The following SPEM1 variants were observed in gnomAD, a reference collection of about 807,000 sequenced individuals.
The protein encoded by SPEM1 is spermatid maturation 1.
SPEM1 carries 10 observed loss-of-function variants against 9.0 expected under a neutral mutation model. The observed-to-expected ratio is 1.11, with a 90% CI of 0.68 to 1.88. The LOEUF (loss-of-function observed/expected upper bound fraction) is 1.88. Among genes scored for constraint, SPEM1 ranks in the 40% most tolerant of loss-of-function variants. The pLI is 0.00. For synonymous variants in SPEM1, 175 were observed against 157.8 expected (o/e 1.11, Z -0.82); for missense variants, 401 against 408.6 (o/e 0.98, Z 0.16).
chr17:7,421,088 A>G lies in SPEM1; in HGVS notation c.413A>G (p.His138Arg), dbSNP rs373057448. 5.8e-5 allele frequency: 93 copies of G among 1,614,026 alleles called. No individual in the cohort carries two copies. Among genetic ancestry groups the G allele is most frequent in the Admixed American group, 5.0e-4 (30 of 60,000 alleles). The change falls in exon 3 of 3, where the codon CAT becomes CGT. Residue 138 changes from histidine (H) to arginine (R), a missense_variant. Transcript: ENST00000323675. This position sits in a 1 kb window ranked among gnomAD's most constrained non-coding sequence, Gnocchi z 4.8. ...WAPDTDDEKP[H>R]QYPAICSYHW... is the part of the protein sequence containing the mutation. ...CCTGACACTGATGACGAGAAGCCTC[A>G]TCAGTACCCAGCCATCTGCTCCTAC...
In SPEM1 at chr17:7,421,018, C is replaced by A; in HGVS notation, c.343C>A (p.Arg115=). The part of the protein sequence containing the change: ...SPPPAHRHRR[R]GSPTRCAHCP... ...GCCCCCAGCTCACCGCCATCGCCGT[C>A]GAGGCTCTCCCACACGCTGTGCTCA... Residue 115 remains arginine (R), a synonymous_variant, in exon 3 of 3, where the codon CGA becomes AGA. Coordinates refer to ENST00000323675, the MANE Select transcript of SPEM1 (RefSeq NM_199339.3). The surrounding 1 kb of genome is among the most constrained non-coding windows in gnomAD (Gnocchi z 4.8). 1.2e-6 allele frequency: 2 copies of A among 1,614,124 alleles called. No individual in the cohort carries two copies. The highest frequency in any genetic ancestry group is 1.7e-6 in the Non-Finnish European group (2 of 1,180,010).
In SPEM1 at chr17:7,420,499, A is replaced by G. The variant is rs1445939747; in HGVS notation, c.115A>G (p.Ile39Val). ...VLLLLGLIIC[I>V]NISINIVTLL... ...GTTGCTGCTGGGCCTCATCATCTGC[A>G]TTAACATTAGCATCAATATAGTGAC... Residue 39 changes from isoleucine (I) to valine (V), a missense_variant, in exon 1 of 3, where the codon ATT becomes GTT. Coordinates refer to ENST00000323675, the MANE Select transcript of SPEM1 (RefSeq NM_199339.3). 3.7e-6 allele frequency: 6 copies of G among 1,612,740 alleles called. No individual in the cohort carries two copies. The highest frequency in any genetic ancestry group is 5.1e-6 in the Non-Finnish European group (6 of 1,179,296).
chr17:7,421,323 T>G lies in SPEM1; in HGVS notation c.648T>G (p.Ala216=), dbSNP rs1308920322. ...ACCCCCCACCTCCCAGCCCTGAGGC[T>G]CCTAGCCACAAGAACGGTGGGGAGG... ...PVNPPPPSPE[A]PSHKNGGEGA... Residue 216 remains alanine (A), a synonymous_variant, in exon 3 of 3, where the codon GCT becomes GCG. Coordinates refer to ENST00000323675, the MANE Select transcript of SPEM1 (RefSeq NM_199339.3). This position sits in a 1 kb window ranked among gnomAD's most constrained non-coding sequence, Gnocchi z 4.8. The G allele has an allele frequency of 1.2e-6, 2 of 1,613,924 alleles. No homozygotes were observed. Among genetic ancestry groups the G allele is most frequent in the East Asian group, 4.5e-5 (2 of 44,874 alleles).
chr17:7,421,172 C>A lies in SPEM1; in HGVS notation c.497C>A (p.Pro166His). Residue 166 changes from proline to histidine, a missense_variant, in exon 3 of 3, where the codon CCC becomes CAC. Transcript: ENST00000323675. The surrounding 1 kb of genome is among the most constrained non-coding windows in gnomAD (Gnocchi z 4.8). The part of the protein sequence containing the change: ...GFQHTQGTWV[P>H]WSQDAPESPP... ...CAACACACTCAGGGGACCTGGGTTC[C>A]CTGGTCTCAGGATGCCCCAGAGTCC... 1 of 1,613,884 alleles carries A rather than the reference C, an allele frequency of 6.2e-7. No individual in the cohort carries two copies. The highest frequency in any genetic ancestry group is 8.5e-7 in the Non-Finnish European group (1 of 1,179,896).
chr17:7,420,534 G>C lies in SPEM1; in HGVS notation c.144+6G>C, dbSNP rs776630787. On this transcript the variant is annotated splice_donor_region_variant and intron_variant, in intron 1 of 2. Coordinates refer to ENST00000323675, the MANE Select transcript of SPEM1 (RefSeq NM_199339.3). ...GCATCAATATAGTGACCCTGGTCAG[G>C]GTGGGGCCAGATGGGAGGGAGCTGG... 1 of 1,613,472 alleles carries C rather than the reference G, an allele frequency of 6.2e-7. No homozygotes were observed. The highest frequency in any genetic ancestry group is 1.1e-5 in the South Asian group (1 of 91,064).
At position 7,421,304 on chromosome 17, in the gene SPEM1, C is replaced by G. The variant is rs781405499; in HGVS notation, c.629C>G (p.Pro210Arg). 13 of 1,614,038 alleles carry G rather than the reference C, an allele frequency of 8.1e-6. No homozygotes were observed. In the African/African-American group the frequency reaches 1.7e-4, roughly 22 times the overall value. ...LRAYVYPVNP[P>R]PPSPEAPSHK... ...GCCTATGTGTATCCTGTGAACCCCCCACCTCCCAGCCCTGAGGCTCCTAGC... is the reference window on the plus strand; with the variant it reads ...GCCTATGTGTATCCTGTGAACCCCCGACCTCCCAGCCCTGAGGCTCCTAGC... Residue 210 changes from proline to arginine, a missense_variant, in exon 3 of 3, where the codon CCA becomes CGA. Coordinates refer to ENST00000323675, the MANE Select transcript of SPEM1 (RefSeq NM_199339.3). This position sits in a 1 kb window ranked among gnomAD's most constrained non-coding sequence, Gnocchi z 4.8.
rs1439308694 is a variant in SPEM1, at chr17:7,420,337, G to A, written c.-48G>A. 2.7e-5 allele frequency: 40 copies of A among 1,463,868 alleles called. No homozygotes were observed. The highest frequency in any genetic ancestry group is 2.5e-4 in the Middle Eastern group (1 of 4,042). 90.7% of individuals were successfully genotyped at this position (1,463,868 alleles called of 1,614,324 possible). A position where few individuals can be genotyped will look rare whatever the true frequency, so the allele number is the denominator to read the frequency against. On this transcript the variant is annotated 5_prime_UTR_variant, in exon 1 of 3. Transcript: ENST00000323675. ...AGGCAGGCAGTCAGTGGACACTGTC[G>A]GCACGGTGGGCTGGGGGCGTAAGGG...
In SPEM1 at chr17:7,420,607, C is replaced by T; in HGVS notation, c.145-20C>T. 1.2e-6 allele frequency: 2 copies of T among 1,614,148 alleles called. No homozygotes were observed. The highest frequency in any genetic ancestry group is 8.5e-7 in the Non-Finnish European group (1 of 1,179,996). On this transcript the variant is annotated intron_variant, in intron 1 of 2. Transcript: ENST00000323675. ...GCCGGCCAGGGCCTACCTGGGATCACTGTGTCTTCCCCCACCTAGCTCTGG... is the reference window on the plus strand; with the variant it reads ...GCCGGCCAGGGCCTACCTGGGATCATTGTGTCTTCCCCCACCTAGCTCTGG...
In SPEM1 at chr17:7,420,475, T is replaced by C. The variant is rs1401555945; in HGVS notation, c.91T>C (p.Leu31=). ...SCQDLGNSVL[L]LLGLIICINI... is the part of the protein sequence containing the mutation. ...CCAGGACCTGGGCAACTCTGTCCTGTTGCTGCTGGGCCTCATCATCTGCAT... is the reference window on the plus strand; with the variant it reads ...CCAGGACCTGGGCAACTCTGTCCTGCTGCTGCTGGGCCTCATCATCTGCAT... Residue 31 remains leucine (L), a synonymous_variant, in exon 1 of 3, where the codon TTG becomes CTG. Coordinates refer to ENST00000323675, the MANE Select transcript of SPEM1 (RefSeq NM_199339.3). 2 of 1,610,072 alleles carry C rather than the reference T, an allele frequency of 1.2e-6. No individual in the cohort carries two copies. The highest frequency in any genetic ancestry group is 1.7e-5 in the Admixed American group (1 of 59,056).
rs1428292664 is a variant in SPEM1, at chr17:7,421,384, C to A, written c.709C>A (p.Pro237Thr). 4 of 1,609,548 alleles carry A rather than the reference C, an allele frequency of 2.5e-6. No homozygotes were observed. In the African/African-American group the frequency reaches 4.0e-5, roughly 16 times the overall value. ...VPEAEAAQYQPVPAPTLGPAV... is the reference protein window; with the variant it reads ...VPEAEAAQYQTVPAPTLGPAV... ...AGAGGCAGAGGCGGCTCAGTACCAG[C>A]CTGTCCCAGCTCCCACCCTGGGCCC... Residue 237 changes from proline to threonine, a missense_variant, in exon 3 of 3, where the codon CCT (proline) becomes ACT (threonine). Transcript: ENST00000323675. The surrounding 1 kb of genome is among the most constrained non-coding windows in gnomAD (Gnocchi z 4.8).
Position 7,420,347 on chromosome 17 carries a change from G to A in SPEM1, c.-38G>A, listed in dbSNP as rs2150821350. 2.7e-6 allele frequency: 4 copies of A among 1,470,748 alleles called. No individual in the cohort carries two copies. Among genetic ancestry groups the A allele is most frequent in the East Asian group, 2.5e-5 (1 of 40,470 alleles). 91.1% of individuals were successfully genotyped at this position (1,470,748 alleles called of 1,614,324 possible). On this transcript the variant is annotated 5_prime_UTR_variant, in exon 1 of 3. Coordinates refer to ENST00000323675, the MANE Select transcript of SPEM1 (RefSeq NM_199339.3). Reference sequence around the variant, plus strand: ...TCAGTGGACACTGTCGGCACGGTGGGCTGGGGGCGTAAGGGCCCCGGTGGT... The same window carrying A: ...TCAGTGGACACTGTCGGCACGGTGGACTGGGGGCGTAAGGGCCCCGGTGGT...
At position 7,421,303 on chromosome 17, in the gene SPEM1, C is replaced by G; in HGVS notation, c.628C>G (p.Pro210Ala). 1.9e-6 allele frequency: 3 copies of G among 1,614,158 alleles called. No individual in the cohort carries two copies. In the South Asian group the frequency reaches 3.3e-5, roughly 18 times the overall value. The stretch of plus-strand genomic sequence containing the variant: ...GGCCTATGTGTATCCTGTGAACCCC[C>G]CACCTCCCAGCCCTGAGGCTCCTAG... ...LRAYVYPVNP[P>A]PPSPEAPSHK... is the part of the protein sequence containing the mutation. The change falls in exon 3 of 3, where the codon CCA becomes GCA. Residue 210 changes from proline (P) to alanine (A), a missense_variant. By Grantham distance (27) the Pro-to-Ala change is conservative (BLOSUM62 -1). Coordinates refer to ENST00000323675, the MANE Select transcript of SPEM1 (RefSeq NM_199339.3). The surrounding 1 kb of genome is among the most constrained non-coding windows in gnomAD (Gnocchi z 4.8).
Position 7,421,434 on chromosome 17 carries a change from G to T in SPEM1, c.759G>T (p.Arg253=), listed in dbSNP as rs1157917332. 1.2e-6 allele frequency: 2 copies of T among 1,608,644 alleles called. No individual in the cohort carries two copies. Among genetic ancestry groups the T allele is most frequent in the Non-Finnish European group, 8.5e-7 (1 of 1,176,430 alleles). The change falls in exon 3 of 3, where the codon CGG becomes CGT. Residue 253 remains arginine, a synonymous_variant. Coordinates refer to ENST00000323675, the MANE Select transcript of SPEM1 (RefSeq NM_199339.3). The surrounding 1 kb of genome is among the most constrained non-coding windows in gnomAD (Gnocchi z 4.8). ...CAGCAGTCATCCCTGAATTTTCCCG[G>T]CACCGCTCCTCAGGCCGAATAGTGT... ...LGPAVIPEFS[R]HRSSGRIVYD...
chr17:7,421,234 G>GC lies in SPEM1; in HGVS notation c.559_560insC (p.Glu187AlafsTer29). On this transcript the variant is annotated frameshift_variant, in exon 3 of 3. Transcript: ENST00000323675. LOFTEE classifies it low-confidence loss of function (END_TRUNC). The surrounding 1 kb of genome is among the most constrained non-coding windows in gnomAD (Gnocchi z 4.8). ...CATCCGCTTCCAGCCTACCGTAGAG[G>GC]AAAGGCCCCTCAAAACAGGCATATG... is the stretch of plus-strand genomic sequence containing the variant. The GC allele has an allele frequency of 6.2e-7, 1 of 1,614,158 alleles. No homozygotes were observed. Among genetic ancestry groups the GC allele is most frequent in the Non-Finnish European group, 8.5e-7 (1 of 1,180,020 alleles).
At position 7,420,362 on chromosome 17, in the gene SPEM1, G is replaced by C. The variant is rs1174083137; in HGVS notation, c.-23G>C. 1 of 1,482,910 alleles carries C rather than the reference G, an allele frequency of 6.7e-7. No individual in the cohort carries two copies. The highest frequency in any genetic ancestry group is 2.6e-5 in the Admixed American group (1 of 38,476). The allele number at this position is 1,482,910 out of a possible 1,614,324, so 91.9% of individuals were successfully genotyped here. ...GGCACGGTGGGCTGGGGGCGTAAGG[G>C]CCCCGGTGGTCCTAGGGACCCCATG... On this transcript the variant is annotated 5_prime_UTR_variant, in exon 1 of 3. Transcript: ENST00000323675.
At position 7,420,671 on chromosome 17, in the gene SPEM1, T is replaced by C. The variant is rs1490848854; in HGVS notation, c.189T>C (p.Asp63=). The C allele has an allele frequency of 2.5e-6, 4 of 1,613,974 alleles. No homozygotes were observed. In the Admixed American group the frequency reaches 5.0e-5, roughly 20 times the overall value. ...FRGVLYQVFH[D]TICEKEAPKS... Reference sequence around the variant, plus strand: ...GTGTCTTATACCAAGTGTTCCATGATACCATTTGTGAGAAAGGTAAGAGGT... The same window carrying C: ...GTGTCTTATACCAAGTGTTCCATGACACCATTTGTGAGAAAGGTAAGAGGT... The change falls in exon 2 of 3, where the codon GAT becomes GAC. Residue 63 remains aspartate, a synonymous_variant. Transcript: ENST00000323675.
Position 7,421,177 on chromosome 17 carries a change from T to A in SPEM1, c.502T>A (p.Ser168Thr), listed in dbSNP as rs759017413. Reference protein sequence around the residue: ...QHTQGTWVPWSQDAPESPPQT... With the variant: ...QHTQGTWVPWTQDAPESPPQT... ...CACTCAGGGGACCTGGGTTCCCTGGTCTCAGGATGCCCCAGAGTCCCCTCC... is the reference window on the plus strand; with the variant it reads ...CACTCAGGGGACCTGGGTTCCCTGGACTCAGGATGCCCCAGAGTCCCCTCC... Residue 168 changes from serine to threonine, a missense_variant, in exon 3 of 3, where the codon TCT becomes ACT. Ser to Thr is a moderately conservative substitution (Grantham distance 58). Coordinates refer to ENST00000323675, the MANE Select transcript of SPEM1 (RefSeq NM_199339.3). This position sits in a 1 kb window ranked among gnomAD's most constrained non-coding sequence, Gnocchi z 4.8. 6.2e-7 allele frequency: 1 copy of A among 1,613,758 alleles called. No individual in the cohort carries two copies. Among genetic ancestry groups the A allele is most frequent in the Non-Finnish European group, 8.5e-7 (1 of 1,179,854 alleles).
In SPEM1 at chr17:7,421,380, C is replaced by T. The variant is rs554254348; in HGVS notation, c.705C>T (p.Tyr235=). The change falls in exon 3 of 3, where the codon TAC becomes TAT. Residue 235 remains tyrosine (Y), a synonymous_variant. Coordinates refer to ENST00000323675, the MANE Select transcript of SPEM1 (RefSeq NM_199339.3). The surrounding 1 kb of genome is among the most constrained non-coding windows in gnomAD (Gnocchi z 4.8). ...TGCCAGAGGCAGAGGCGGCTCAGTACCAGCCTGTCCCAGCTCCCACCCTGG... is the reference window on the plus strand; with the variant it reads ...TGCCAGAGGCAGAGGCGGCTCAGTATCAGCCTGTCCCAGCTCCCACCCTGG... ...GAVPEAEAAQ[Y]QPVPAPTLGP... 4 of 1,609,292 alleles carry T rather than the reference C, an allele frequency of 2.5e-6. No individual in the cohort carries two copies. In the South Asian group the frequency reaches 4.4e-5, roughly 18 times the overall value.
In SPEM1 at chr17:7,421,006, C is replaced by G; in HGVS notation, c.331C>G (p.Arg111Gly). The change falls in exon 3 of 3, where the codon CGC becomes GGC. Residue 111 changes from arginine to glycine, a missense_variant. By Grantham distance (125) the Arg-to-Gly change is moderately radical. Transcript: ENST00000323675. The surrounding 1 kb of genome is among the most constrained non-coding windows in gnomAD (Gnocchi z 4.8). ...GACTGTGTCCCCGCCCCCAGCTCACCGCCATCGCCGTCGAGGCTCTCCCAC... is the reference window on the plus strand; with the variant it reads ...GACTGTGTCCCCGCCCCCAGCTCACGGCCATCGCCGTCGAGGCTCTCCCAC... ...MMTVSPPPAH[R>G]HRRRGSPTRC... The G allele has an allele frequency of 6.2e-7, 1 of 1,614,138 alleles. No homozygotes were observed. The highest frequency in any genetic ancestry group is 1.1e-5 in the South Asian group (1 of 91,082).
Sources: allele counts gnomAD v4.1 joint callset, GRCh38; gene constraint gnomAD v4.1.1; non-coding constraint Gnocchi (gnomAD v3.1); transcripts MANE v1.5; gene names NCBI Gene and HGNC (gene_info 2026-07-23, HGNC 2026-07-21).